The following PHF24 variants were observed in gnomAD, a reference collection of about 807,000 sequenced individuals.
PHF24 encodes the protein Galpha inhibitory interacting protein.
In PHF24, 25 loss-of-function variants were observed where a neutral mutation model predicts 42.6. The ratio of observed to expected loss-of-function variants is 0.59; its 90% CI spans 0.43 to 0.82. The LOEUF (loss-of-function observed/expected upper bound fraction) is 0.82, where lower values mean the gene tolerates loss of function less well. Among genes scored for constraint, PHF24 ranks in the 40% least tolerant of loss-of-function variants. The pLI is 0.00. For missense variants in PHF24, 470 were observed against 538.1 expected (o/e 0.87, Z 1.25); for synonymous variants, 185 against 204.8 (o/e 0.90, Z 0.83).
At chr9:34,683,191 G>C in the PHF24 span, among the ~76,000 whole-genome samples, 1 of 152,006 alleles carries the variant, frequency 6.6e-6, no homozygotes, top group East Asian at 1.9e-4. Context: ...CTCCCAAGTA[G>C]CTGGGATTAC....
the PHF24 span, among the ~76,000 whole-genome samples, chr9:34,875,588 A>G: frequency 6.6e-6 from 1 of 152,192 alleles, no homozygotes; most frequent in East Asian, 1.9e-4. Flanking sequence ...TATATTTCTT[A>G]CTATGGGTCA....
chr9:34,920,366 T>C, the PHF24 span, among the ~76,000 whole-genome samples: 1 of 152,218 alleles, frequency 6.6e-6, no homozygotes, highest in African/African-American at 2.4e-5. Flanking sequence ...CCCATTGACC[T>C]ATGTGTCTGT....
chr9:34,913,871 A>G, the PHF24 span, among the ~76,000 whole-genome samples: 1 of 152,176 alleles, frequency 6.6e-6, no homozygotes, highest in Non-Finnish European at 1.5e-5. Flanking sequence ...TTTCTGGAGC[A>G]TAAACCTTTA....
the PHF24 span, among the ~76,000 whole-genome samples, chr9:34,942,860 GC>G: frequency 7.9e-5 from 12 of 151,154 alleles, no homozygotes; most frequent in South Asian, 2.1e-4. Flanking sequence ...GGGATGGGGG[GC>G]AGGGGGGAGG....
the PHF24 span, among the ~76,000 whole-genome samples, chr9:34,722,699 C>A: frequency 1.3e-5 from 2 of 152,226 alleles, no homozygotes; most frequent in Non-Finnish European, 2.9e-5. Context: ...TCCTGTGGCA[C>A]TACCACACAC....
the PHF24 span, among the ~76,000 whole-genome samples, chr9:34,887,129 T>C: frequency 6.6e-6 from 1 of 152,124 alleles, no homozygotes; most frequent in Non-Finnish European, 1.5e-5. Context: ...CATTTTTTTT[T>C]CTCTAATTGT....
At chr9:34,937,171 G>A in the PHF24 span, among the ~76,000 whole-genome samples, 1 of 152,212 alleles carries the variant, frequency 6.6e-6, no homozygotes, top group Non-Finnish European at 1.5e-5. Flanking sequence ...CATTGAGAAC[G>A]GGCCATGATG....
chr9:34,876,186 C>A, the PHF24 span, among the ~76,000 whole-genome samples: 1 of 152,072 alleles, frequency 6.6e-6, no homozygotes, highest in African/African-American at 2.4e-5. Context: ...TATATCCACA[C>A]AAAAACCTGC....
At chr9:34,865,487 C>A in the PHF24 span, among the ~76,000 whole-genome samples, 1 of 152,016 alleles carries the variant, frequency 6.6e-6, no homozygotes, top group African/African-American at 2.4e-5. Flanking sequence ...TCGCTTAAAT[C>A]CAGGAGGCAG....
At chr9:34,746,725 C>T in the PHF24 span, among the ~76,000 whole-genome samples, 1 of 152,140 alleles carries the variant, frequency 6.6e-6, no homozygotes, top group East Asian at 1.9e-4. Flanking sequence ...ATTTTGGCAG[C>T]TTGGGAGGCA....
the PHF24 span, chr9:34,709,958 G>C: frequency 6.2e-7 from 1 of 1,614,068 alleles, no homozygotes; most frequent in Non-Finnish European, 8.5e-7. Context: ...CAGGCCTCTT[G>C]ATCCCCTTAG....
the PHF24 span, among the ~76,000 whole-genome samples, chr9:34,747,118 T>C: frequency 9.9e-5 from 15 of 152,074 alleles, no homozygotes; most frequent in African/African-American, 3.6e-4. Flanking sequence ...TCAGAATATA[T>C]AAAGTTCTGC....
chr9:34,805,553 TTA>T, the PHF24 span, among the ~76,000 whole-genome samples: 1 of 152,220 alleles, frequency 6.6e-6, no homozygotes, highest in Non-Finnish European at 1.5e-5. Flanking sequence ...TAAAATCTAG[TTA>T]TTTATCTTTC....
At chr9:34,922,769 A>G in the PHF24 span, 3 of 1,592,314 alleles carry the variant, frequency 1.9e-6, no homozygotes, top group African/African-American at 1.3e-5. Flanking sequence ...GGGCTCCTAC[A>G]ACATTTTTAT....
chr9:34,807,166 C>A, the PHF24 span, among the ~76,000 whole-genome samples: 1 of 152,136 alleles, frequency 6.6e-6, no homozygotes, highest in East Asian at 1.9e-4. Context: ...AAGTATGATG[C>A]TACTATTGAG....
chr9:34,962,029 C>A (rs957076792), intron 1 of PHF24, among the ~76,000 whole-genome samples: 1 of 152,138 alleles, frequency 6.6e-6, no homozygotes, highest in East Asian at 1.9e-4. Flanking sequence ...TCTTAGGTTG[C>A]GAAGGAGTTT....
chr9:34,708,415 A>G, the PHF24 span, among the ~76,000 whole-genome samples: 3 of 152,192 alleles, frequency 2.0e-5, no homozygotes, highest in Admixed American at 6.5e-5. Context: ...CAACAGCCCC[A>G]TTAAACAAAG....
intron 3 of PHF24, among the ~76,000 whole-genome samples, chr9:34,974,999 A>G (rs1827136175): frequency 6.6e-6 from 1 of 151,974 alleles, no homozygotes; most frequent in Non-Finnish European, 1.5e-5. Flanking sequence ...GCTGCTCATC[A>G]TTTCTTGCCT....
chr9:34,673,961 GC>G, the PHF24 span, among the ~76,000 whole-genome samples: 1 of 152,064 alleles, frequency 6.6e-6, no homozygotes, highest in African/African-American at 2.4e-5. Flanking sequence ...TCCCCATGTT[GC>G]CCAGGCAGGT....
Sources: allele counts gnomAD v4.1 joint callset (sites outside exome capture counted in the v4.1 genomes callset), GRCh38; gene constraint gnomAD v4.1.1; transcripts MANE v1.5; gene names NCBI Gene and HGNC (gene_info 2026-07-23, HGNC 2026-07-21).